Variants in CLK3 observed in about 807,000 individuals in gnomAD.
The protein encoded by CLK3 is CDC like kinase 3.
Under a neutral mutation model 65.2 loss-of-function variants are expected in CLK3, and 24 were observed. The observed-to-expected ratio is 0.37, with a 90% CI of 0.27 to 0.52. The LOEUF (loss-of-function observed/expected upper bound fraction) is 0.52. Ranked by LOEUF, CLK3 falls within the 20% of genes least tolerant of loss-of-function variation. The pLI, the probability that CLK3 is intolerant of heterozygous loss-of-function variation, is 0.92. For synonymous variants in CLK3, 252 were observed against 240.8 expected (o/e 1.05, Z -0.43); for missense variants, 506 against 660.0 (o/e 0.77, Z 2.56).
upstream of CLK3, chr15:74,613,652 C>T (rs1381991460): frequency 6.6e-6 from 1 of 152,118 alleles, no homozygotes; most frequent in East Asian, 1.9e-4. Context: ...TAACTTACCC[C>T]ATCAGAGCCT....
chr15:74,615,785 A>T, upstream of CLK3: 1 of 1,243,086 alleles, frequency 8.0e-7, no homozygotes, highest in Non-Finnish European at 1.0e-6. Flanking sequence ...GAGGCTGGCG[A>T]CGGCTGCGTC....
Position 74,624,531 on chromosome 15 carries a change from C to T in CLK3, c.534-371C>T. On this transcript the variant is annotated intron_variant, in intron 5 of 12. Coordinates refer to ENST00000395066, the MANE Select transcript of CLK3 (RefSeq NM_001130028.2). This position sits in a 1 kb window ranked among gnomAD's most constrained non-coding sequence, Gnocchi z 4.2. ...CGCCGCAGGAGGGTTCTCGGTGGGACAGCCTGGCCAGGGTTGGGGCTGCCT... is the reference window on the plus strand; with the variant it reads ...CGCCGCAGGAGGGTTCTCGGTGGGATAGCCTGGCCAGGGTTGGGGCTGCCT... The T allele has an allele frequency of 5.4e-6, 1 of 186,752 alleles. No homozygotes were observed. The highest frequency in any genetic ancestry group is 6.3e-5 in the Admixed American group (1 of 15,962). The allele number at this position is 186,752 out of a possible 1,614,324, so 11.6% of individuals were successfully genotyped here. A position where few individuals can be genotyped will look rare whatever the true frequency, so the allele number is the denominator to read the frequency against.
In CLK3 at chr15:74,629,898, C is replaced by G; in HGVS notation, c.*15C>G. On this transcript the variant is annotated 3_prime_UTR_variant, in exon 13 of 13. Coordinates refer to ENST00000395066, the MANE Select transcript of CLK3 (RefSeq NM_001130028.2). ...CAAGCAGATGACAGGCACAGGCCAC[C>G]GCATGAGGAGATGGAGGGCGGGACT... is the stretch of plus-strand genomic sequence containing the variant. 3 of 1,600,398 alleles carry G rather than the reference C, an allele frequency of 1.9e-6. No homozygotes were observed. The highest frequency in any genetic ancestry group is 2.6e-6 in the Non-Finnish European group (3 of 1,173,572).
chr15:74,616,338 C>T (rs548313849), intron 1 of CLK3, among the ~76,000 whole-genome samples: 1 of 152,366 alleles, frequency 6.6e-6, no homozygotes, highest in Admixed American at 6.5e-5. Context: ...CTCCCCTCGG[C>T]GCCACTGGTG....
At chr15:74,628,113 C>T (rs749131628) in intron 10 of CLK3, 61 bp downstream of exon 10, 300 of 1,196,860 alleles carry the variant, frequency 2.5e-4, no homozygotes, top group Non-Finnish European at 3.6e-4. Context: ...GGCTGCAGGC[C>T]ACTGGGGTGG....
chr15:74,615,694 C>T, upstream of CLK3: 1 of 1,238,922 alleles, frequency 8.1e-7, no homozygotes, highest in Non-Finnish European at 1.0e-6. Context: ...GCCGCGGCGC[C>T]CGCCGGAGCG....
At chr15:74,615,718 C>T (rs909978845), upstream of CLK3, 11 of 1,238,656 alleles carry the variant, frequency 8.9e-6, no homozygotes, top group African/African-American at 1.2e-4. Flanking sequence ...AGGGCTGGTG[C>T]CCCGGAGCCT....
upstream of CLK3, among the ~76,000 whole-genome samples, chr15:74,611,720 A>G (rs1389893107): frequency 6.6e-6 from 1 of 152,232 alleles, no homozygotes; most frequent in East Asian, 1.9e-4. Flanking sequence ...ACACGGTCCA[A>G]TGCCCCGAGG....
At chr15:74,615,580 G>T, upstream of CLK3, 1 of 1,265,940 alleles carries the variant, frequency 7.9e-7, no homozygotes, top group African/African-American at 1.5e-5. Flanking sequence ...AGCCGGCCCG[G>T]GCCGCGCACC....
Position 74,627,480 on chromosome 15 carries a change from A to G in CLK3, c.912+34A>G. ...GGGGGTAAGGGTGAGGCCCTGTTTC[A>G]GGGGTGGGTTACCCGCTGGTGCAGA... On this transcript the variant is annotated intron_variant, in intron 8 of 12. Coordinates refer to ENST00000395066, the MANE Select transcript of CLK3 (RefSeq NM_001130028.2). The surrounding 1 kb of genome is among the most constrained non-coding windows in gnomAD (Gnocchi z 4.3). 1 of 1,614,182 alleles carries G rather than the reference A, an allele frequency of 6.2e-7. No homozygotes were observed. Among genetic ancestry groups the G allele is most frequent in the Non-Finnish European group, 8.5e-7 (1 of 1,179,978 alleles).
chr15:74,616,636 CCTT>C (rs747956162), intron 1 of CLK3, among the ~76,000 whole-genome samples: 19 of 152,238 alleles, frequency 1.2e-4, no homozygotes, highest in Non-Finnish European at 2.4e-4. Context: ...TTCCAGCTTC[CCTT>C]CTTGATGCCC....
chr15:74,609,807 A>T (rs887634823), intron 1 of CLK3, among the ~76,000 whole-genome samples: 5 of 152,236 alleles, frequency 3.3e-5, no homozygotes, highest in African/African-American at 1.2e-4. Flanking sequence ...TCCAGCTTCC[A>T]GACCACACTG....
Position 74,624,509 on chromosome 15 carries a change from C to A in CLK3, c.534-393C>A. 1 of 210,998 alleles carries A rather than the reference C, an allele frequency of 4.7e-6. No individual in the cohort carries two copies. The highest frequency in any genetic ancestry group is 1.0e-4 in the South Asian group (1 of 9,866). 13.1% of individuals were successfully genotyped at this position (210,998 alleles called of 1,614,324 possible). A position where few individuals can be genotyped will look rare whatever the true frequency, so the allele number is the denominator to read the frequency against. ...CAAGCTCAGGAAGGTCAAGAGGCGC[C>A]GCAGGAGGGTTCTCGGTGGGACAGC... On this transcript the variant is annotated intron_variant, in intron 5 of 12. Transcript: ENST00000395066. This position sits in a 1 kb window ranked among gnomAD's most constrained non-coding sequence, Gnocchi z 4.2.
chr15:74,620,069 G>C lies in CLK3; in HGVS notation c.213G>C (p.Arg71=). Residue 71 remains arginine (R), a synonymous_variant, in exon 3 of 13, where the codon CGG becomes CGC. Transcript: ENST00000395066. ...YRERRDSDTY[R]CEERSPSFGE... ...AGCGCCGTGACAGCGATACATACCG[G>C]TGTGAAGAGCGGAGCCCATCCTTTG... 1 of 1,614,194 alleles carries C rather than the reference G, an allele frequency of 6.2e-7. No individual in the cohort carries two copies. Among genetic ancestry groups the C allele is most frequent in the Non-Finnish European group, 8.5e-7 (1 of 1,180,028 alleles).
rs940423688 is a variant in CLK3 at position 74,609,311 on chromosome 15, C to T, written c.-1+885C>T. 1.2e-4 allele frequency among the ~76,000 whole-genome samples: 18 copies of T among 152,248 alleles called. 1 individual carries two copies. Among genetic ancestry groups the T allele is most frequent in the Admixed American group, 9.2e-4 (14 of 15,290 alleles). ...AGAGGCTTCTCTACACTCCAGGCTA[C>T]GACTCTGGACCAGTGCCTGGCTGCA... On this transcript the variant is annotated intron_variant, in intron 1 of 12. Transcript: ENST00000345005.
chr15:74,627,304 G>C lies in CLK3; in HGVS notation c.818-48G>C, dbSNP rs758657995. On this transcript the variant is annotated intron_variant, in intron 7 of 12. Coordinates refer to ENST00000395066, the MANE Select transcript of CLK3 (RefSeq NM_001130028.2). The surrounding 1 kb of genome is among the most constrained non-coding windows in gnomAD (Gnocchi z 4.3). ...GGGGTCTGGCCTAGAGCTGGCAGGA[G>C]AGCCAGCTTCTCAGTGCCTACTTCC... is the stretch of plus-strand genomic sequence containing the variant. 4.1e-6 allele frequency: 6 copies of C among 1,451,376 alleles called. No homozygotes were observed. In the South Asian group the frequency reaches 5.7e-5, roughly 14 times the overall value. The allele number at this position is 1,451,376 out of a possible 1,614,324, so 89.9% of individuals were successfully genotyped here.
rs1386454412 is a variant in CLK3, at chr15:74,625,829, C to T, written c.678C>T (p.Phe226=). 1.9e-6 allele frequency: 3 copies of T among 1,614,148 alleles called. No individual in the cohort carries two copies. Among genetic ancestry groups the T allele is most frequent in the South Asian group, 1.1e-5 (1 of 91,082 alleles). The change falls in exon 7 of 13, where the codon TTC becomes TTT. Residue 226 remains phenylalanine (F), a synonymous_variant. Coordinates refer to ENST00000395066, the MANE Select transcript of CLK3 (RefSeq NM_001130028.2). The stretch of plus-strand genomic sequence containing the variant: ...TGTGTGTCTTGATGTCTGACTGGTT[C>T]AACTTCCACGGTCACATGTGCATCG... The part of the protein sequence containing the change: ...KFLCVLMSDW[F]NFHGHMCIAF...
Position 74,620,016 on chromosome 15 carries a change from C to A in CLK3, c.160C>A (p.Arg54Ser). The A allele has an allele frequency of 1.2e-6, 2 of 1,614,064 alleles. No individual in the cohort carries two copies. Among genetic ancestry groups the A allele is most frequent in the Non-Finnish European group, 1.7e-6 (2 of 1,180,006 alleles). Residue 54 changes from arginine to serine, a missense_variant, in exon 3 of 13, where the codon CGC becomes AGC. This residue lies in a region of CLK3 where 181 missense variants were observed against 159.4 expected (regional missense o/e 1.14). Coordinates refer to ENST00000395066, the MANE Select transcript of CLK3 (RefSeq NM_001130028.2). Reference sequence around the variant, plus strand: ...CCATCCCCCTTTTGGCAGCCATGACCGCCTGCCCTACCAGAGGAGGTACCG... The same window carrying A: ...CCATCCCCCTTTTGGCAGCCATGACAGCCTGCCCTACCAGAGGAGGTACCG... ...PRRSRSRSHD[R>S]LPYQRRYRER... is the part of the protein sequence containing the mutation.
intron 1 of CLK3, 169 bp downstream of exon 1, chr15:74,616,067 G>A: frequency 1.9e-6 from 1 of 513,326 alleles, no homozygotes; most frequent in Non-Finnish European, 3.0e-6. Flanking sequence ...CTTCTGCCCC[G>A]GAGGGCGGTC....
Sources: gnomAD v4.1 joint callset for allele counts (sites outside exome capture counted in the v4.1 genomes callset) on GRCh38, gnomAD v4.1.1 for gene constraint, gnomAD v4.1.1 regional missense constraint, Gnocchi (gnomAD v3.1) non-coding constraint, MANE v1.5 for transcripts, NCBI Gene and HGNC (gene_info 2026-07-23, HGNC 2026-07-21) for gene names.